Variants in TRAPPC9 observed in about 807,000 individuals in gnomAD.
The protein encoded by TRAPPC9 is IKK2 binding protein.
Under a neutral mutation model 124.0 loss-of-function variants are expected in TRAPPC9, and 83 were observed. That is an observed-to-expected ratio of 0.67 (90% confidence interval 0.56 to 0.80). The LOEUF (loss-of-function observed/expected upper bound fraction) is 0.80, where lower values mean the gene tolerates loss of function less well. Among genes scored for constraint, TRAPPC9 ranks in the 30% least tolerant of loss-of-function variants. The probability of loss-of-function intolerance (pLI) is 0.00; values close to 1 mark genes in which losing one functional copy is unlikely to be tolerated. For synonymous variants in TRAPPC9, 638 were observed against 617.5 expected, an observed-to-expected ratio of 1.03 and a Z score of -0.49; for missense variants, 1,302 against 1,508.3, an observed-to-expected ratio of 0.86 and a Z score of 2.27.
intron 11 of TRAPPC9, among the ~76,000 whole-genome samples, chr8:140,296,384 C>T (rs2131799410): frequency 6.6e-6 from 1 of 152,346 alleles, no homozygotes; most frequent in African/African-American, 2.4e-5. Flanking sequence ...CCCACCTCAG[C>T]CTCCCAACTA....
intron 2 of TRAPPC9, among the ~76,000 whole-genome samples, chr8:140,442,958 C>T (rs2071079894): frequency 6.7e-6 from 1 of 150,198 alleles, no homozygotes; most frequent in South Asian, 2.1e-4. Context: ...CATGGTGAAA[C>T]CCCATCTCTA....
chr8:140,321,165 C>G (rs1412156657), intron 9 of TRAPPC9, among the ~76,000 whole-genome samples: 1 of 152,248 alleles, frequency 6.6e-6, no homozygotes, highest in Non-Finnish European at 1.5e-5. Context: ...AGGGGAGAAC[C>G]ACTGCCTGCG....
rs543442679 is a variant in TRAPPC9 at position 140,363,601 on chromosome 8, C to CT, written c.1352-3409dup. Among the ~76,000 whole-genome samples, 739 of 145,552 alleles carry CT rather than the reference C, an allele frequency of 5.1e-3. 4 individuals are homozygous for CT. Among genetic ancestry groups the CT allele is most frequent in the African/African-American group, 0.015 (591 of 40,000 alleles). ...AAATGTCTCCTCCTGACACAAACGT[C>CT]TTTTTTTTTTTTTGAAACGGAGTTT... is the stretch of plus-strand genomic sequence containing the variant. On this transcript the variant is annotated intron_variant, in intron 8 of 22. Coordinates refer to ENST00000438773, the MANE Select transcript of TRAPPC9 (RefSeq NM_001160372.4).
chr8:139,777,735 C>A (rs1350300736), intron 21 of TRAPPC9, among the ~76,000 whole-genome samples: 1 of 152,162 alleles, frequency 6.6e-6, no homozygotes, highest in African/African-American at 2.4e-5. Flanking sequence ...ATAAAACAGA[C>A]AAAATACATG....
chr8:140,291,973 G>T (rs538647653), intron 11 of TRAPPC9, among the ~76,000 whole-genome samples: 1 of 152,328 alleles, frequency 6.6e-6, no homozygotes, highest in East Asian at 1.9e-4. Context: ...CACAGCCCCA[G>T]ATGCCACTTG....
At chr8:139,779,848 C>T (rs1563807525) in intron 21 of TRAPPC9, among the ~76,000 whole-genome samples, 2 of 152,028 alleles carry the variant, frequency 1.3e-5, no homozygotes, top group African/African-American at 4.8e-5. Flanking sequence ...GGTTAATATA[C>T]AAAAGTCAAT....
intron 17 of TRAPPC9, among the ~76,000 whole-genome samples, chr8:140,046,636 C>A (rs549088935): frequency 6.6e-6 from 1 of 152,202 alleles, no homozygotes; most frequent in Non-Finnish European, 1.5e-5. Context: ...TGGACATGAG[C>A]CCTGCTACAT....
chr8:140,025,861 C>T (rs569001538), intron 17 of TRAPPC9, among the ~76,000 whole-genome samples: 4 of 152,166 alleles, frequency 2.6e-5, no homozygotes, highest in Non-Finnish European at 4.4e-5. Flanking sequence ...ATAAAAGTTA[C>T]CATTTTAACA....
At chr8:140,194,875 C>A (rs1463246946) in intron 17 of TRAPPC9, among the ~76,000 whole-genome samples, 2 of 151,924 alleles carry the variant, frequency 1.3e-5, no homozygotes, top group Non-Finnish European at 2.9e-5. Context: ...CCATACAGAT[C>A]GCACCTGTGA....
intron 21 of TRAPPC9, among the ~76,000 whole-genome samples, chr8:139,793,742 C>T (rs1324762896): frequency 6.6e-6 from 1 of 152,196 alleles, no homozygotes; most frequent in Non-Finnish European, 1.5e-5. Context: ...GGGTGGTACA[C>T]AAGTCAGCCC....
chr8:140,447,085 G>A (rs958422937), intron 2 of TRAPPC9, among the ~76,000 whole-genome samples: 1 of 152,112 alleles, frequency 6.6e-6, no homozygotes, highest in Non-Finnish European at 1.5e-5. Flanking sequence ...TGCAGCCTGG[G>A]ACTTTTGCAG....
At chr8:140,292,378 T>G (rs1262741073) in intron 11 of TRAPPC9, among the ~76,000 whole-genome samples, 4 of 152,212 alleles carry the variant, frequency 2.6e-5, no homozygotes, top group Non-Finnish European at 5.9e-5. Context: ...GCTGCTGGAT[T>G]CAGGCCTCTG....
At chr8:139,956,849 G>A (rs561397702) in intron 19 of TRAPPC9, among the ~76,000 whole-genome samples, 1 of 152,292 alleles carries the variant, frequency 6.6e-6, no homozygotes, top group South Asian at 2.1e-4. Flanking sequence ...CCGTGCTGAG[G>A]GGTGAATTCT....
intron 16 of TRAPPC9, among the ~76,000 whole-genome samples, chr8:140,239,232 C>T (rs1021184280): frequency 6.6e-6 from 1 of 152,168 alleles, no homozygotes; most frequent in South Asian, 2.1e-4. Context: ...AATCAGGAGC[C>T]CACAGGCAGG....
At chr8:140,027,518 T>C (rs1563700941) in intron 17 of TRAPPC9, among the ~76,000 whole-genome samples, 1 of 152,150 alleles carries the variant, frequency 6.6e-6, no homozygotes, top group Admixed American at 6.5e-5. Context: ...AAGTACCACA[T>C]CACCAAGAGG....
At chr8:139,820,236 G>A (rs565497330) in intron 21 of TRAPPC9, among the ~76,000 whole-genome samples, 28 of 151,788 alleles carry the variant, frequency 1.8e-4, no homozygotes, top group Admixed American at 7.9e-4. Flanking sequence ...GCTGGAGTGC[G>A]GTGGCACCAT....
chr8:140,261,471 A>C (rs1188557802), intron 15 of TRAPPC9, among the ~76,000 whole-genome samples: 5 of 152,174 alleles, frequency 3.3e-5, no homozygotes, highest in African/African-American at 1.2e-4. Flanking sequence ...TAAAGTTTAT[A>C]ATACCATTAC....
At chr8:140,043,101 G>A (rs1841370782) in intron 17 of TRAPPC9, among the ~76,000 whole-genome samples, 1 of 152,198 alleles carries the variant, frequency 6.6e-6, no homozygotes, top group Non-Finnish European at 1.5e-5. Context: ...GAAAGTTAAG[G>A]AGCTAGGACT....
At chr8:139,886,638 AT>A (rs896585456) in intron 20 of TRAPPC9, among the ~76,000 whole-genome samples, 2 of 152,178 alleles carry the variant, frequency 1.3e-5, no homozygotes, top group African/African-American at 4.8e-5. Context: ...AAAGGGGAAA[AT>A]TTTAGTTTCT....
Sources: gnomAD v4.1 joint callset for allele counts (sites outside exome capture counted in the v4.1 genomes callset) on GRCh38, gnomAD v4.1.1 for gene constraint, MANE v1.5 for transcripts, NCBI Gene and HGNC (gene_info 2026-07-23, HGNC 2026-07-21) for gene names.